ZBBX: variants seen among roughly 807,000 people sequenced by gnomAD.
ZBBX encodes zinc finger B-box domain containing.
ZBBX carries 101 observed loss-of-function variants against 108.5 expected under a neutral mutation model. That is an observed-to-expected ratio of 0.93 (90% CI 0.79 to 1.10). ZBBX has a LOEUF of 1.10. Among genes scored for constraint, ZBBX ranks in the 50% least tolerant of loss-of-function variants. ZBBX has a pLI of 0.00. For synonymous variants in ZBBX, 356 were observed against 323.4 expected (o/e 1.10, Z -1.08); for missense variants, 1,009 against 941.4 (o/e 1.07, Z -0.94).
intron 2 of ZBBX, among the ~76,000 whole-genome samples, chr3:167,374,236 A>T (rs1424110712): frequency 6.6e-6 from 1 of 152,144 alleles, no homozygotes; most frequent in Non-Finnish European, 1.5e-5. Flanking sequence ...AATTTTAATG[A>T]TACTCTTTGG....
intron 21 of ZBBX, 108 bp downstream of exon 21, chr3:167,242,397 G>T: frequency 1.1e-6 from 1 of 923,338 alleles, no homozygotes; most frequent in Non-Finnish European, 1.6e-6. Flanking sequence ...ATCATATAAA[G>T]TATACACATG....
At chr3:167,390,056 T>C (rs1230204917) in intron 1 of ZBBX, among the ~76,000 whole-genome samples, 2 of 152,132 alleles carry the variant, frequency 1.3e-5, no homozygotes, top group Non-Finnish European at 2.9e-5. Flanking sequence ...ATGTCGTGAA[T>C]GGTACTGCCT....
intron 20 of ZBBX, chr3:167,252,229 C>G (rs1722749664): frequency 7.9e-7 from 1 of 1,268,626 alleles, no homozygotes; most frequent in Non-Finnish European, 1.0e-6. Flanking sequence ...TAGCAGAAAA[C>G]AAGTCAGAGA....
In ZBBX at chr3:167,305,850, T is replaced by C. The variant is rs1440250916; in HGVS notation, c.1518A>G (p.Leu506=). ...TTTCTAAACCTATATTTTTCTCCTT[T>C]AAATTTCTTTCAAAGGAGGTGCTTT... is the stretch of plus-strand genomic sequence containing the variant. ...IEESTSFERN[L]KEKNIGLESN... is the part of the protein sequence containing the mutation. The change falls in exon 17 of 22, where the codon TTA becomes TTG. Residue 506 remains leucine, a synonymous_variant. Transcript: ENST00000675490. The C allele has an allele frequency of 4.3e-6, 7 of 1,610,782 alleles. No homozygotes were observed. The highest frequency in any genetic ancestry group is 2.7e-5 in the African/African-American group (2 of 74,826).
chr3:167,232,457 T>C, the ZBBX span, among the ~76,000 whole-genome samples: 2 of 151,780 alleles, frequency 1.3e-5, no homozygotes, highest in Non-Finnish European at 2.9e-5. Flanking sequence ...ATCACAACCA[T>C]CTGTTGGATT....
chr3:167,402,248 C>A (rs1221829897), intron 1 of ZBBX, among the ~76,000 whole-genome samples: 1 of 152,160 alleles, frequency 6.6e-6, no homozygotes, highest in East Asian at 1.9e-4. Flanking sequence ...CTCCCATATT[C>A]TCCCCATACC....
At chr3:167,396,735 G>C (rs911725204) in intron 1 of ZBBX, among the ~76,000 whole-genome samples, 1 of 151,896 alleles carries the variant, frequency 6.6e-6, no homozygotes, top group African/African-American at 2.4e-5. Context: ...ATGAACATTT[G>C]AATTGAACAA....
At chr3:167,224,056 G>A in the ZBBX span, among the ~76,000 whole-genome samples, 2 of 151,902 alleles carry the variant, frequency 1.3e-5, no homozygotes, top group Non-Finnish European at 1.5e-5. Flanking sequence ...AGGGGACATA[G>A]CGGGTGGGAA....
chr3:167,305,834 C>T lies in ZBBX; in HGVS notation c.1534G>A (p.Gly512Ser), dbSNP rs1576948450. ...FERNLKEKNIGLESNQKSDDS... is the reference protein window; with the variant it reads ...FERNLKEKNISLESNQKSDDS... The stretch of plus-strand genomic sequence containing the variant: ...TCAGACTTTTGATTACTTTCTAAAC[C>T]TATATTTTTCTCCTTTAAATTTCTT... The change falls in exon 17 of 22, where the codon GGT becomes AGT. Residue 512 changes from glycine to serine, a missense_variant. Gly to Ser is a moderately conservative substitution (Grantham distance 56). Coordinates refer to ENST00000675490, the MANE Select transcript of ZBBX (RefSeq NM_001199201.2). 6.2e-7 allele frequency: 1 copy of T among 1,611,480 alleles called. No homozygotes were observed. The highest frequency in any genetic ancestry group is 8.5e-7 in the Non-Finnish European group (1 of 1,178,888).
rs913565513 is a variant in ZBBX at position 167,281,558 on chromosome 3, G to A, written c.2254+680C>T. ...CTGGCTTCTTTCAAACTGTGTGAGT[G>A]CCTTTATAATGCAAATAAAAGGATT... On this transcript the variant is annotated intron_variant, in intron 20 of 21. Coordinates refer to ENST00000675490, the MANE Select transcript of ZBBX (RefSeq NM_001199201.2). Among the ~76,000 whole-genome samples, 7 of 152,160 alleles carry A rather than the reference G, an allele frequency of 4.6e-5. No individual in the cohort carries two copies. The South Asian group carries it at 1.4e-3, about 31-fold the overall frequency.
At chr3:167,205,202 C>T in the ZBBX span, among the ~76,000 whole-genome samples, 3 of 151,942 alleles carry the variant, frequency 2.0e-5, no homozygotes, top group Non-Finnish European at 4.4e-5. Flanking sequence ...CATAGAAGGT[C>T]TATTACACTG....
At chr3:167,263,742 T>C (rs1160908408) in intron 20 of ZBBX, among the ~76,000 whole-genome samples, 1 of 152,246 alleles carries the variant, frequency 6.6e-6, no homozygotes, top group Non-Finnish European at 1.5e-5. Flanking sequence ...AGTTGTTCTA[T>C]AGTGCATATT....
At chr3:167,196,419 T>C in the ZBBX span, among the ~76,000 whole-genome samples, 6 of 152,216 alleles carry the variant, frequency 3.9e-5, no homozygotes, top group Admixed American at 1.3e-4. Flanking sequence ...AATCATTTTA[T>C]TGGCATTAGA....
chr3:167,255,300 T>A (rs1345508087), intron 20 of ZBBX, among the ~76,000 whole-genome samples: 1 of 152,006 alleles, frequency 6.6e-6, no homozygotes. Flanking sequence ...AATGTGCCAT[T>A]CGGCAATAAG....
chr3:167,303,245 G>A (rs570686220), intron 17 of ZBBX, among the ~76,000 whole-genome samples: 1 of 151,912 alleles, frequency 6.6e-6, no homozygotes, highest in East Asian at 1.9e-4. Context: ...CATTTTAATT[G>A]TTACTCAAAG....
At chr3:167,182,056 G>A in the ZBBX span, among the ~76,000 whole-genome samples, 1 of 152,092 alleles carries the variant, frequency 6.6e-6, no homozygotes, top group Non-Finnish European at 1.5e-5. Flanking sequence ...TTCCTTTCTT[G>A]CATTTTGGAC....
At chr3:167,369,915 G>C (rs987463276) in intron 4 of ZBBX, among the ~76,000 whole-genome samples, 1 of 152,208 alleles carries the variant, frequency 6.6e-6, no homozygotes, top group Non-Finnish European at 1.5e-5. Flanking sequence ...CAAGGAACTA[G>C]AAGTTCTCTG....
chr3:167,381,662 A>G (rs1747733378), upstream of ZBBX, among the ~76,000 whole-genome samples: 1 of 152,190 alleles, frequency 6.6e-6, no homozygotes, highest in Non-Finnish European at 1.5e-5. Flanking sequence ...AAATTACCAA[A>G]GATATTTTCA....
intron 16 of ZBBX, among the ~76,000 whole-genome samples, chr3:167,311,270 T>TGTGTA (rs1734543751): frequency 6.6e-6 from 1 of 152,144 alleles, no homozygotes; most frequent in Admixed American, 6.5e-5. Context: ...ACAATATATA[T>TGTGTA]AGACACAGAC....
Sources: gnomAD v4.1 joint callset for allele counts (sites outside exome capture counted in the v4.1 genomes callset) on GRCh38, gnomAD v4.1.1 for gene constraint, MANE v1.5 for transcripts, NCBI Gene and HGNC (gene_info 2026-07-23, HGNC 2026-07-21) for gene names.